Variants in ANK3 observed in about 807,000 individuals in gnomAD.
ANK3 encodes ankyrin-3.
A neutral mutation model predicts 370.9 loss-of-function variants in ANK3; 57 were observed. That is an observed-to-expected ratio of 0.15 (90% confidence interval 0.12 to 0.19). The LOEUF (loss-of-function observed/expected upper bound fraction) is 0.19. ANK3 is among the 10% of genes least tolerant of loss of function. The pLI, the probability that ANK3 is intolerant of heterozygous loss-of-function variation, is 1.00. For missense variants in ANK3, 4,439 were observed against 5,302.1 expected (o/e 0.84, Z 5.06); for synonymous variants, 1,929 against 1,946.3 (o/e 0.99, Z 0.23).
chr10:60,057,637 A>G (rs1353315378), intron 41 of ANK3, among the ~76,000 whole-genome samples: 1 of 152,184 alleles, frequency 6.6e-6, no homozygotes, highest in Non-Finnish European at 1.5e-5. Flanking sequence ...GCATATTCTG[A>G]TAACAGGAGC....
At chr10:60,510,774 C>T (rs907364774) in intron 2 of ANK3, among the ~76,000 whole-genome samples, 4 of 151,768 alleles carry the variant, frequency 2.6e-5, no homozygotes, top group Non-Finnish European at 4.4e-5. Context: ...GAACTGATAT[C>T]GCATCATTAC....
In ANK3 at chr10:60,652,574, A is replaced by G. The variant is rs150589336; in HGVS notation, c.58-37350T>C. 5.3e-5 allele frequency among the ~76,000 whole-genome samples: 8 copies of G among 152,044 alleles called. 1 individual carries two copies. The highest frequency in any genetic ancestry group is 1.7e-4 in the African/African-American group (7 of 41,504). ...GGGCATGATCGTGTAAAGAGTAACA[A>G]TTAAGAACAGTATTAGTCAAGTACT... On this transcript the variant is annotated intron_variant, in intron 1 of 43. Transcript: ENST00000373827.
rs543405579 is a variant in ANK3 at position 60,721,095 on chromosome 10, T to A, written c.57+12168A>T. On this transcript the variant is annotated intron_variant, in intron 1 of 43. Coordinates refer to the ANK3 transcript ENST00000373827. Reference sequence around the variant, plus strand: ...AAAAATACCCTCTAGAAGTCCATTGTCCAGTTAGTTAGGGAAGAAACAGTA... The same window carrying A: ...AAAAATACCCTCTAGAAGTCCATTGACCAGTTAGTTAGGGAAGAAACAGTA... Among the ~76,000 whole-genome samples the A allele has an allele frequency of 3.3e-5, 5 of 152,354 alleles. No homozygotes were observed. The East Asian group carries it at 7.7e-4, about 23-fold the overall frequency.
intron 40 of ANK3, chr10:60,060,671 C>G (rs973423268): frequency 6.6e-6 from 1 of 152,046 alleles, no homozygotes; most frequent in African/African-American, 2.4e-5. Context: ...GTTTAAAAGA[C>G]TCCATGTAGT....
At chr10:60,271,034 A>G (rs1343543992) in intron 4 of ANK3, among the ~76,000 whole-genome samples, 2 of 152,160 alleles carry the variant, frequency 1.3e-5, no homozygotes, top group Non-Finnish European at 2.9e-5. Flanking sequence ...GCAAATTAAT[A>G]TGCATATTAC....
intron 1 of ANK3, among the ~76,000 whole-genome samples, chr10:60,337,217 C>A (rs997919639): frequency 1.3e-5 from 2 of 152,036 alleles, no homozygotes; most frequent in African/African-American, 4.8e-5. Flanking sequence ...TCCAGATGAT[C>A]AAGTAAAATA....
At chr10:60,152,473 G>C (rs2095175000) in intron 23 of ANK3, among the ~76,000 whole-genome samples, 1 of 152,002 alleles carries the variant, frequency 6.6e-6, no homozygotes, top group African/African-American at 2.4e-5. Flanking sequence ...AATGAGATGA[G>C]TATTAGGATG....
intron 7 of ANK3, among the ~76,000 whole-genome samples, chr10:60,236,246 A>AAGTCTTTTAAGTTTTTCTTAATCTCC (rs1565887834): frequency 3.3e-5 from 5 of 152,050 alleles, no homozygotes; most frequent in African/African-American, 1.2e-4. Context: ...AATTATCTCT[A>AAGTCTTTTAAGTTTTTCTTAATCTCC]ACAGATGAGG....
At chr10:60,619,192 A>C (rs904942448) in intron 1 of ANK3, among the ~76,000 whole-genome samples, 1 of 151,930 alleles carries the variant, frequency 6.6e-6, no homozygotes, top group Non-Finnish European at 1.5e-5. Flanking sequence ...CCCCATGCCC[A>C]GGCCCACTCC....
Position 60,297,024 on chromosome 10 carries a change from G to A in ANK3, c.115-17385C>T, listed in dbSNP as rs72822242. On this transcript the variant is annotated intron_variant, in intron 1 of 43. Coordinates refer to ENST00000280772, the MANE Select transcript of ANK3 (RefSeq NM_020987.5). ...TAAAAAAGTATGCAGTGTTCAAAAT[G>A]TATCTGATCTTACAGATACAAGTGT... Among the ~76,000 whole-genome samples the A allele has an allele frequency of 5.0e-3, 755 of 152,200 alleles. 4 individuals carry two copies. The highest frequency in any genetic ancestry group is 6.5e-3 in the Non-Finnish European group (441 of 68,006).
intron 1 of ANK3, chr10:60,733,189 C>T (rs1305531882): frequency 9.1e-6 from 11 of 1,211,288 alleles, no homozygotes; most frequent in African/African-American, 1.6e-5. Context: ...CCGGCCCGGG[C>T]CTCCCGCCCG....
intron 1 of ANK3, among the ~76,000 whole-genome samples, chr10:60,370,066 G>A (rs576124175): frequency 1.3e-5 from 2 of 152,068 alleles, no homozygotes; most frequent in African/African-American, 2.4e-5. Context: ...GCATTTTAAT[G>A]TTCTTGCAAA....
At chr10:60,378,548 T>C (rs2061115246) in intron 1 of ANK3, among the ~76,000 whole-genome samples, 1 of 152,158 alleles carries the variant, frequency 6.6e-6, no homozygotes, top group Admixed American at 6.5e-5. Context: ...TCCACATATC[T>C]ACAGCCAACT....
chr10:60,364,934 T>A lies in ANK3; in HGVS notation c.114+24491A>T, dbSNP rs138751749. ...AAAGACAACATCCACCTTTTGTGGATTTTTTTTTGAGAACAAATACCCCCA... is the reference window on the plus strand; with the variant it reads ...AAAGACAACATCCACCTTTTGTGGAATTTTTTTTGAGAACAAATACCCCCA... On this transcript the variant is annotated intron_variant, in intron 1 of 43. Transcript: ENST00000280772. 2.2e-3 allele frequency among the ~76,000 whole-genome samples: 330 copies of A among 150,698 alleles called. 1 individual carries two copies. Among genetic ancestry groups the A allele is most frequent in the African/African-American group, 7.4e-3 (304 of 41,234 alleles).
chr10:60,613,973 C>G (rs1290774710), intron 2 of ANK3, among the ~76,000 whole-genome samples: 2 of 152,004 alleles, frequency 1.3e-5, no homozygotes, highest in Admixed American at 6.6e-5. Flanking sequence ...ACTTGGGAGA[C>G]TGAGGCAGGA....
intron 17 of ANK3, among the ~76,000 whole-genome samples, chr10:60,184,822 G>C (rs917961996): frequency 6.6e-6 from 1 of 152,148 alleles, no homozygotes; most frequent in Non-Finnish European, 1.5e-5. Flanking sequence ...AAACCTACTG[G>C]AAATATTCAA....
At chr10:60,695,821 G>A (rs531611564) in intron 1 of ANK3, among the ~76,000 whole-genome samples, 13 of 151,916 alleles carry the variant, frequency 8.6e-5, no homozygotes, top group African/African-American at 2.2e-4. Flanking sequence ...AATTGACACC[G>A]TAACATCACA....
At chr10:60,305,375 T>C (rs1035822652) in intron 1 of ANK3, among the ~76,000 whole-genome samples, 1 of 151,948 alleles carries the variant, frequency 6.6e-6, no homozygotes, top group Admixed American at 6.6e-5. Context: ...AAATAAGATG[T>C]CTGGCTCTAG....
chr10:60,319,150 A>G (rs531529169), intron 1 of ANK3, among the ~76,000 whole-genome samples: 5 of 152,090 alleles, frequency 3.3e-5, no homozygotes, highest in East Asian at 3.9e-4. Flanking sequence ...CTTGCCTTTG[A>G]AAAAAAACAC....
Sources: gnomAD v4.1 joint callset for allele counts (sites outside exome capture counted in the v4.1 genomes callset) on GRCh38, gnomAD v4.1.1 for gene constraint, MANE v1.5 for transcripts, NCBI Gene and HGNC (gene_info 2026-07-23, HGNC 2026-07-21) for gene names.